The following ASB7 variants were observed in gnomAD, a reference collection of about 807,000 sequenced individuals.
ASB7 encodes ankyrin repeat and SOCS box protein 7.
A neutral mutation model predicts 32.5 loss-of-function variants in ASB7; 4 were observed. The ratio of observed to expected loss-of-function variants is 0.12; its 90% CI spans 0.06 to 0.28. The LOEUF (loss-of-function observed/expected upper bound fraction) is 0.28. Among genes scored for constraint, ASB7 ranks in the 10% least tolerant of loss-of-function variants. ASB7 has a pLI of 1.00. For missense variants in ASB7, 181 were observed against 407.1 expected, an observed-to-expected ratio of 0.44 and a Z score of 4.78; for synonymous variants, 172 against 155.6, an observed-to-expected ratio of 1.11 and a Z score of -0.78.
intron 4 of ASB7, among the ~76,000 whole-genome samples, chr15:100,625,608 T>G (rs1032063993): frequency 2.0e-5 from 3 of 152,236 alleles, no homozygotes; most frequent in Admixed American, 2.0e-4. Flanking sequence ...CAATATTGTT[T>G]GGATCATTTT....
At chr15:100,646,998 G>T (rs905297018) in intron 5 of ASB7, among the ~76,000 whole-genome samples, 3 of 128,756 alleles carry the variant, frequency 2.3e-5, no homozygotes, top group African/African-American at 8.8e-5. Context: ...TAAAAGCTTT[G>T]CAAAAATGTG....
chr15:100,621,420 G>C (rs1353067053), intron 4 of ASB7, among the ~76,000 whole-genome samples: 1 of 152,158 alleles, frequency 6.6e-6, no homozygotes, highest in Non-Finnish European at 1.5e-5. Flanking sequence ...AGTAATTAGA[G>C]TATGGTTACA....
At chr15:100,626,759 T>TA (rs561516877) in intron 4 of ASB7, among the ~76,000 whole-genome samples, 1 of 152,162 alleles carries the variant, frequency 6.6e-6, no homozygotes, top group Non-Finnish European at 1.5e-5. Flanking sequence ...CTATATAGTA[T>TA]ACAGTACTAT....
At chr15:100,627,548 T>A (rs1396437339) in intron 4 of ASB7, among the ~76,000 whole-genome samples, 1 of 152,244 alleles carries the variant, frequency 6.6e-6, no homozygotes, top group Non-Finnish European at 1.5e-5. Flanking sequence ...AGGTCATTGT[T>A]GTGTGTGTTA....
intron 4 of ASB7, among the ~76,000 whole-genome samples, chr15:100,613,628 A>G (rs554971923): frequency 5.3e-5 from 8 of 152,366 alleles, no homozygotes; most frequent in African/African-American, 1.9e-4. Flanking sequence ...GTAAAAAGTA[A>G]AAGGTGGGTG....
In ASB7 at chr15:100,651,087, A is replaced by G. The variant is rs1029640149; in HGVS notation, c.*2625A>G. ...TTGAAATTTATTATTTAAGCCTATT[A>G]CTAAACCTTTATAAAAATATATTTG... On this transcript the variant is annotated 3_prime_UTR_variant, in exon 6 of 6. Transcript: ENST00000332783. The G allele has an allele frequency of 2.0e-5, 3 of 152,246 alleles. No homozygotes were observed. The highest frequency in any genetic ancestry group is 1.3e-4 in the Admixed American group (2 of 15,292). 9.4% of individuals were successfully genotyped at this position (152,246 alleles called of 1,614,324 possible). A position where few individuals can be genotyped will look rare whatever the true frequency, so the allele number is the denominator to read the frequency against.
At chr15:100,613,601 C>T (rs920195472) in intron 4 of ASB7, among the ~76,000 whole-genome samples, 17 of 152,134 alleles carry the variant, frequency 1.1e-4, no homozygotes, top group African/African-American at 3.6e-4. Flanking sequence ...AGAAGTGGAA[C>T]GCCAGGAAAA....
chr15:100,630,694 G>A (rs1295999701), intron 5 of ASB7, among the ~76,000 whole-genome samples: 1 of 152,156 alleles, frequency 6.6e-6, no homozygotes, highest in African/African-American at 2.4e-5. Flanking sequence ...TTTAAAGCCT[G>A]GAAGTGTCTG....
rs78729411 is a variant in ASB7 at position 100,630,940 on chromosome 15, C to T, written c.817+898C>T. ...TTTTGAGCCTTCGGTCATTATTATA[C>T]AAGAGGACATATTAACATCCTGGGT... is the stretch of plus-strand genomic sequence containing the variant. On this transcript the variant is annotated intron_variant, in intron 5 of 5. Transcript: ENST00000332783. Among the ~76,000 whole-genome samples, 1,023 of 152,262 alleles carry T rather than the reference C, an allele frequency of 6.7e-3. 17 individuals are homozygous for T. Among genetic ancestry groups the T allele is most frequent in the African/African-American group, 0.024 (977 of 41,532 alleles).
intron 5 of ASB7, among the ~76,000 whole-genome samples, chr15:100,644,686 C>G (rs999315758): frequency 6.6e-6 from 1 of 152,194 alleles, no homozygotes; most frequent in Non-Finnish European, 1.5e-5. Flanking sequence ...AATGTGAACT[C>G]ACAACCTTAT....
At chr15:100,625,317 T>A (rs940180244) in intron 4 of ASB7, among the ~76,000 whole-genome samples, 2 of 152,184 alleles carry the variant, frequency 1.3e-5, no homozygotes, top group African/African-American at 4.8e-5. Flanking sequence ...TAATTGTGCA[T>A]GTAGACCCTG....
intron 3 of ASB7, among the ~76,000 whole-genome samples, chr15:100,610,659 C>G (rs2039688325): frequency 6.6e-6 from 1 of 152,150 alleles, no homozygotes; most frequent in Non-Finnish European, 1.5e-5. Context: ...TATTTGTATT[C>G]TTAAGTTGTA....
intron 5 of ASB7, among the ~76,000 whole-genome samples, chr15:100,637,091 A>G (rs568553197): frequency 2.0e-5 from 3 of 152,212 alleles, no homozygotes; most frequent in Non-Finnish European, 4.4e-5. Context: ...GTTCCTGCGA[A>G]TGCTTTTTAA....
At chr15:100,631,458 G>A (rs758811963) in intron 5 of ASB7, among the ~76,000 whole-genome samples, 2 of 152,182 alleles carry the variant, frequency 1.3e-5, no homozygotes, top group Non-Finnish European at 2.9e-5. Flanking sequence ...CACAGAAGTC[G>A]CCACAGTTGG....
At chr15:100,642,802 C>G (rs34769890) in intron 5 of ASB7, among the ~76,000 whole-genome samples, 4 of 151,898 alleles carry the variant, frequency 2.6e-5, no homozygotes, top group Non-Finnish European at 5.9e-5. Context: ...CTTGGGAGGC[C>G]GAGGCAGGCA....
At position 100,612,192 on chromosome 15, in the gene ASB7, T is replaced by C. The variant is rs1161013327; in HGVS notation, c.-25T>C. On this transcript the variant is annotated 5_prime_UTR_variant, in exon 4 of 6. Coordinates refer to ENST00000332783, the MANE Select transcript of ASB7 (RefSeq NM_198243.3). ...CTGATCCCCGTAACCTAATGAATCC[T>C]TTGTAAAAAGTGGACTCAGCTAGGA... 2 of 1,583,090 alleles carry C rather than the reference T, an allele frequency of 1.3e-6. No individual in the cohort carries two copies. Among genetic ancestry groups the C allele is most frequent in the East Asian group, 2.2e-5 (1 of 44,734 alleles).
intron 5 of ASB7, among the ~76,000 whole-genome samples, chr15:100,632,952 G>C (rs2039894917): frequency 6.6e-6 from 1 of 151,606 alleles, no homozygotes; most frequent in Non-Finnish European, 1.5e-5. Flanking sequence ...AGGCCATGAA[G>C]AGCTGCTGTT....
At chr15:100,621,708 C>G (rs528603451) in intron 4 of ASB7, among the ~76,000 whole-genome samples, 2 of 151,218 alleles carry the variant, frequency 1.3e-5, no homozygotes, top group South Asian at 2.1e-4. Context: ...TCCAGTAATC[C>G]CAAAGTAAAA....
chr15:100,616,466 A>G (rs138854890), intron 4 of ASB7, among the ~76,000 whole-genome samples: 1 of 152,180 alleles, frequency 6.6e-6, no homozygotes, highest in African/African-American at 2.4e-5. Context: ...AAAATGTTTT[A>G]TGGTATTTAG....
Sources: gnomAD v4.1 joint callset for allele counts (sites outside exome capture counted in the v4.1 genomes callset) on GRCh38, gnomAD v4.1.1 for gene constraint, MANE v1.5 for transcripts, NCBI Gene and HGNC (gene_info 2026-07-23, HGNC 2026-07-21) for gene names.